METTL15: variants seen among roughly 807,000 people sequenced by gnomAD.
The protein encoded by METTL15 is 12S rRNA N(4)-cytidine methyltransferase METTL15.
In METTL15, 34 loss-of-function variants were observed where a neutral mutation model predicts 38.3. The ratio of observed to expected loss-of-function variants is 0.89; its 90% CI spans 0.68 to 1.18. The LOEUF (loss-of-function observed/expected upper bound fraction) is 1.18. Ranked by LOEUF, METTL15 falls within the 50% of genes most tolerant of loss-of-function variation. The pLI, the probability that METTL15 is intolerant of heterozygous loss-of-function variation, is 0.00. For synonymous variants in METTL15, 162 were observed against 170.9 expected (o/e 0.95, Z 0.41); for missense variants, 438 against 498.4 (o/e 0.88, Z 1.15).
intron 6 of METTL15, among the ~76,000 whole-genome samples, chr11:28,441,160 C>A (rs1005262809): frequency 8.2e-6 from 1 of 121,458 alleles, no homozygotes; most frequent in Non-Finnish European, 1.8e-5. Context: ...TTTTTTTTTT[C>A]TGCAACCTTT....
intron 3 of METTL15, among the ~76,000 whole-genome samples, chr11:28,198,427 A>G (rs1418954800): frequency 6.6e-6 from 1 of 152,164 alleles, no homozygotes; most frequent in Non-Finnish European, 1.5e-5. Context: ...TTTTATGACA[A>G]GTAAAGATTT....
intron 5 of METTL15, among the ~76,000 whole-genome samples, chr11:28,387,060 C>T (rs1290465850): frequency 6.6e-6 from 1 of 151,798 alleles, no homozygotes; most frequent in Non-Finnish European, 1.5e-5. Context: ...AAATGCAGTA[C>T]TAAGGGCTCT....
chr11:28,110,192 A>G lies in METTL15; in HGVS notation c.-227A>G, dbSNP rs987429088. On this transcript the variant is annotated 5_prime_UTR_variant, in exon 2 of 7. Transcript: ENST00000407364. ...AAAGTCGTTTGGAAACCCCAGGCCA[A>G]CAGGACCCTTTGGCAGCTGAGGCTG... 6.6e-6 allele frequency: 1 copy of G among 152,246 alleles called. No individual in the cohort carries two copies. The highest frequency in any genetic ancestry group is 2.4e-5 in the African/African-American group (1 of 41,452). 9.4% of individuals were successfully genotyped at this position (152,246 alleles called of 1,614,324 possible).
At chr11:28,137,183 A>G (rs901916795) in intron 3 of METTL15, among the ~76,000 whole-genome samples, 44 of 152,326 alleles carry the variant, frequency 2.9e-4, no homozygotes, top group African/African-American at 1.0e-3. Context: ...TCAATGCGCA[A>G]TTTATGGAAA....
At chr11:28,154,647 T>C (rs1182678413) in intron 3 of METTL15, among the ~76,000 whole-genome samples, 1 of 152,154 alleles carries the variant, frequency 6.6e-6, no homozygotes, top group Admixed American at 6.6e-5. Flanking sequence ...GTCTGTTGGC[T>C]TCTTTAAGCT....
chr11:28,323,845 T>G (rs1849548800), intron 6 of METTL15, among the ~76,000 whole-genome samples: 3 of 152,176 alleles, frequency 2.0e-5, no homozygotes, highest in African/African-American at 4.8e-5. Flanking sequence ...AAACCTGATC[T>G]GGAATGTGAG....
At chr11:28,436,134 C>G (rs1303831537) in intron 6 of METTL15, among the ~76,000 whole-genome samples, 1 of 152,166 alleles carries the variant, frequency 6.6e-6, no homozygotes, top group African/African-American at 2.4e-5. Context: ...TTAAAATTTT[C>G]TTAGTTATAA....
intron 5 of METTL15, among the ~76,000 whole-genome samples, chr11:28,414,645 C>A (rs1215294731): frequency 6.6e-6 from 1 of 152,020 alleles, no homozygotes; most frequent in Non-Finnish European, 1.5e-5. Context: ...TTTGTTTAGT[C>A]GTTTATTTTT....
At chr11:28,208,000 T>G (rs1452083082) in intron 3 of METTL15, among the ~76,000 whole-genome samples, 1 of 152,188 alleles carries the variant, frequency 6.6e-6, no homozygotes, top group African/African-American at 2.4e-5. Flanking sequence ...TCTTCTCTCA[T>G]TTCTTCTTTA....
intron 5 of METTL15, chr11:28,398,962 T>C (rs1027834648): frequency 1.3e-5 from 2 of 151,968 alleles, no homozygotes; most frequent in Non-Finnish European, 2.9e-5. Context: ...AAATTTCATA[T>C]GGAACCAAAA....
intron 4 of METTL15, among the ~76,000 whole-genome samples, chr11:28,227,752 T>C (rs1189055931): frequency 6.6e-6 from 1 of 151,850 alleles, no homozygotes; most frequent in African/African-American, 2.4e-5. Context: ...AATAGTCTTC[T>C]TGTTTCTGTG....
intron 3 of METTL15, among the ~76,000 whole-genome samples, chr11:28,151,289 C>G (rs1850080279): frequency 6.6e-6 from 1 of 151,718 alleles, no homozygotes; most frequent in African/African-American, 2.4e-5. Flanking sequence ...CATCATGTGC[C>G]CACCTTCTCA....
chr11:28,133,610 C>T (rs954502835), intron 3 of METTL15, among the ~76,000 whole-genome samples: 10 of 152,104 alleles, frequency 6.6e-5, no homozygotes, highest in Non-Finnish European at 1.2e-4. Context: ...TGGCTTCTTC[C>T]ATGCTGTCTT....
At chr11:28,406,817 G>A (rs1454439457) in intron 5 of METTL15, among the ~76,000 whole-genome samples, 5 of 152,240 alleles carry the variant, frequency 3.3e-5, no homozygotes, top group East Asian at 1.9e-4. Flanking sequence ...TATTGGCTGC[G>A]GGTTTGTCAT....
At position 28,378,488 on chromosome 11, in the gene METTL15, G is replaced by A. The variant is rs188618657; in HGVS notation, c.*358+16452G>A. ...CCCTGACCCCTTGCGCTTCCCAAGTGAGGCAATGCCTCGCCCTGCTTCGGC... is the reference window on the plus strand; with the variant it reads ...CCCTGACCCCTTGCGCTTCCCAAGTAAGGCAATGCCTCGCCCTGCTTCGGC... On this transcript the variant is annotated intron_variant and NMD_transcript_variant, in intron 5 of 7. Transcript: ENST00000532947. Among the ~76,000 whole-genome samples the A allele has an allele frequency of 2.5e-3, 387 of 152,338 alleles. 5 individuals are homozygous for A. In the East Asian group the frequency reaches 0.043, roughly 17 times the overall value.
intron 3 of METTL15, among the ~76,000 whole-genome samples, chr11:28,143,424 C>T (rs1565121688): frequency 6.6e-6 from 1 of 152,168 alleles, no homozygotes; most frequent in African/African-American, 2.4e-5. Context: ...CCTTTCTCAT[C>T]TTTTGTTTTC....
At chr11:28,241,427 G>A (rs1273409047) in intron 4 of METTL15, among the ~76,000 whole-genome samples, 3 of 151,922 alleles carry the variant, frequency 2.0e-5, no homozygotes, top group Admixed American at 6.6e-5. Flanking sequence ...CCAGCTACTC[G>A]GGAGGCTGAG....
intron 3 of METTL15, among the ~76,000 whole-genome samples, chr11:28,134,056 T>G (rs764450393): frequency 6.6e-6 from 1 of 152,168 alleles, no homozygotes. Flanking sequence ...TGAGCTCAGA[T>G]TCAAAGAACA....
At chr11:28,213,891 A>G (rs1260576227) in intron 4 of METTL15, among the ~76,000 whole-genome samples, 2 of 151,856 alleles carry the variant, frequency 1.3e-5, no homozygotes, top group Admixed American at 6.6e-5. Context: ...TCCTGACCTC[A>G]TGATCCGCCC....
Sources: allele counts gnomAD v4.1 joint callset (sites outside exome capture counted in the v4.1 genomes callset), GRCh38; gene constraint gnomAD v4.1.1; transcripts MANE v1.5; gene names NCBI Gene and HGNC (gene_info 2026-07-23, HGNC 2026-07-21).